EML2: variants seen among roughly 807,000 people sequenced by gnomAD.
EML2 encodes EMAP like 2.
A neutral mutation model predicts 84.7 loss-of-function variants in EML2; 59 were observed. That is an observed-to-expected ratio of 0.70 (90% confidence interval 0.56 to 0.86). The LOEUF (loss-of-function observed/expected upper bound fraction) is 0.86. Ranked by LOEUF, EML2 falls within the 40% of genes least tolerant of loss-of-function variation. The pLI, the probability that EML2 is intolerant of heterozygous loss-of-function variation, is 0.00. For missense variants in EML2, 818 were observed against 855.6 expected (o/e 0.96, Z 0.55); for synonymous variants, 352 against 348.9 (o/e 1.01, Z -0.10).
Position 45,619,303 on chromosome 19 carries a change from G to A in EML2, c.1123-112C>T, listed in dbSNP as rs1041971786. The A allele has an allele frequency of 1.1e-5, 15 of 1,360,868 alleles. No individual in the cohort carries two copies. In the East Asian group the frequency reaches 1.5e-4, roughly 14 times the overall value. 84.3% of individuals were successfully genotyped at this position (1,360,868 alleles called of 1,614,324 possible). ...CCCCAGCAACTCACCCTGCCCCAGC[G>A]GGACCCAGGGAAGACCTTTCCCAGT... On this transcript the variant is annotated intron_variant, in intron 11 of 18. Coordinates refer to ENST00000245925, the MANE Select transcript of EML2 (RefSeq NM_012155.4).
Position 45,629,993 on chromosome 19 carries a change from C to G in EML2, c.564G>C (p.Ser188=), listed in dbSNP as rs7251952. ...AVDESNDHML[S]VWDWAKETKV... is the part of the protein sequence containing the mutation. ...TGGTCTCCTTGGCCCAGTCCCACACCGAGAGCATGTGATCATTGGATTCAT... is the reference window on the plus strand; with the variant it reads ...TGGTCTCCTTGGCCCAGTCCCACACGGAGAGCATGTGATCATTGGATTCAT... The change falls in exon 7 of 19, where the codon TCG becomes TCC. Residue 188 remains serine, a synonymous_variant. Coordinates refer to ENST00000245925, the MANE Select transcript of EML2 (RefSeq NM_012155.4). 2 of 1,613,212 alleles carry G rather than the reference C, an allele frequency of 1.2e-6. No individual in the cohort carries two copies. The highest frequency in any genetic ancestry group is 1.7e-6 in the Non-Finnish European group (2 of 1,179,526).
intron 12 of EML2, 54 bp downstream of exon 12, chr19:45,619,006 G>T: frequency 6.6e-7 from 1 of 1,518,400 alleles, no homozygotes. Context: ...CCCTGACACA[G>T]GGGGAAAGGT....
At chr19:45,616,389 G>A (rs111418701) in intron 15 of EML2, 72 bp downstream of exon 15, 4 of 1,167,562 alleles carry the variant, frequency 3.4e-6, no homozygotes, top group Non-Finnish European at 3.7e-6. Flanking sequence ...GCTCCCTTGA[G>A]GTAGAAAATT....
At chr19:45,629,751 T>G in intron 7 of EML2, among the ~76,000 whole-genome samples, 200 bp downstream of exon 7, 1 of 151,838 alleles carries the variant, frequency 6.6e-6, no homozygotes, top group East Asian at 1.9e-4. Context: ...TGAGCCACCT[T>G]GCCCAGCCTA....
At chr19:45,615,688 C>T (rs1156299176) in intron 16 of EML2, 114 bp downstream of exon 16, 1 of 914,536 alleles carries the variant, frequency 1.1e-6, no homozygotes, top group Admixed American at 2.1e-5. Flanking sequence ...AAATCAGAAC[C>T]AGCCTTGAAT....
chr19:45,617,999 G>A (rs1195186767), intron 12 of EML2, among the ~76,000 whole-genome samples: 11 of 152,150 alleles, frequency 7.2e-5, no homozygotes, highest in Admixed American at 7.2e-4. Context: ...TTTCCTAGAT[G>A]TGGGAATGCT....
intron 7 of EML2, chr19:45,628,781 C>G (rs1420140448): frequency 6.6e-6 from 1 of 152,132 alleles, no homozygotes; most frequent in Non-Finnish European, 1.5e-5. Context: ...CAAGATTATG[C>G]CATTGCACTC....
upstream of EML2, among the ~76,000 whole-genome samples, chr19:45,639,720 G>C (rs527434834): frequency 1.9e-3 from 283 of 152,240 alleles, no homozygotes; most frequent in African/African-American, 5.2e-3. Context: ...CCGGCCGGGC[G>C]CGGTGGCTCA....
At chr19:45,644,781 C>T, upstream of EML2, 1 of 456,328 alleles carries the variant, frequency 2.2e-6, no homozygotes, top group Non-Finnish European at 4.4e-6. Flanking sequence ...GGTGCTAATG[C>T]ATGGGAGGGC....
Position 45,639,355 on chromosome 19 carries a change from A to T in EML2, c.20+2T>A. 1 of 1,294,968 alleles carries T rather than the reference A, an allele frequency of 7.7e-7. No homozygotes were observed. The highest frequency in any genetic ancestry group is 9.9e-7 in the Non-Finnish European group (1 of 1,014,370). The allele number at this position is 1,294,968 out of a possible 1,614,324, so 80.2% of individuals were successfully genotyped here. A position where few individuals can be genotyped will look rare whatever the true frequency, so the allele number is the denominator to read the frequency against. ...GGGGGGTGGTCTGCGAAAGGGTCTC[A>T]CCCAGCTCCAAAGCTACTCATGGCG... On this transcript the variant is annotated splice_donor_variant, in intron 1 of 18. Coordinates refer to ENST00000245925, the MANE Select transcript of EML2 (RefSeq NM_012155.4). LOFTEE classifies it high-confidence loss of function.
chr19:45,642,521 G>T, upstream of EML2: 1 of 1,415,450 alleles, frequency 7.1e-7, no homozygotes, highest in Non-Finnish European at 9.2e-7. Context: ...CTCTGAAGGG[G>T]GAAGGAAATC....
chr19:45,633,079 C>T lies in EML2; in HGVS notation c.390G>A (p.Lys130=). Residue 130 remains lysine (K), a synonymous_variant, in exon 5 of 19, where the codon AAG becomes AAA. Coordinates refer to ENST00000245925, the MANE Select transcript of EML2 (RefSeq NM_012155.4). The part of the protein sequence containing the change: ...IATGQVAGTT[K]EGKPLPPHVR... ...CCCTCCCTTCCATTACCTTCCCTTC[C>T]TTAGTGGTTCCCGCCACCTGTCCCG... is the stretch of plus-strand genomic sequence containing the variant. 1 of 1,592,998 alleles carries T rather than the reference C, an allele frequency of 6.3e-7. No individual in the cohort carries two copies. The highest frequency in any genetic ancestry group is 8.5e-7 in the Non-Finnish European group (1 of 1,170,230).
In EML2 at chr19:45,634,385, A is replaced by G. The variant is rs148976795; in HGVS notation, c.266T>C (p.Val89Ala). The G allele has an allele frequency of 5.0e-6, 8 of 1,614,076 alleles. No homozygotes were observed. The highest frequency in any genetic ancestry group is 1.3e-5 in the African/African-American group (1 of 75,030). Residue 89 changes from valine to alanine, a missense_variant, in exon 4 of 19, where the codon GTG becomes GCG. Val to Ala is a moderately conservative substitution (Grantham distance 64). Transcript: ENST00000245925. ...EIVYFVASVA[V>A]LYSVEEQRQR... is the part of the protein sequence containing the mutation. ...CCTCTGCTCCTCCACGCTGTATAGCACGGCTACGGAGGCCACAAAGTACAC... is the reference window on the plus strand; with the variant it reads ...CCTCTGCTCCTCCACGCTGTATAGCGCGGCTACGGAGGCCACAAAGTACAC...
At chr19:45,643,603 A>C (rs1188651573), upstream of EML2, 4 of 1,535,938 alleles carry the variant, frequency 2.6e-6, no homozygotes, top group Non-Finnish European at 3.5e-6. Context: ...GACCACAACC[A>C]AGGAAGCCCT....
chr19:45,612,598 CAGGAGGTCA>C (rs1970608004), intron 18 of EML2, among the ~76,000 whole-genome samples: 1 of 152,072 alleles, frequency 6.6e-6, no homozygotes, highest in Non-Finnish European at 1.5e-5. Flanking sequence ...CGCTTGAGTC[CAGGAGGTCA>C]AGGCTGCAGT....
At chr19:45,645,598 G>T, upstream of EML2, 1 of 676,852 alleles carries the variant, frequency 1.5e-6, no homozygotes. Context: ...ATCCCCCTAG[G>T]TACCGTCTGG....
chr19:45,641,535 G>T (rs1315482212), upstream of EML2: 3 of 1,131,370 alleles, frequency 2.7e-6, no homozygotes, highest in Non-Finnish European at 3.8e-6. Context: ...TTTTGAACTA[G>T]CTGGCCCCAC....
upstream of EML2, chr19:45,643,791 G>GC: frequency 6.1e-6 from 9 of 1,467,738 alleles, 1 homozygote; most frequent in South Asian, 5.4e-5. Flanking sequence ...TGCCCGCCCT[G>GC]CCCCCCACTC....
At chr19:45,617,361 G>A (rs1202139644) in intron 13 of EML2, among the ~76,000 whole-genome samples, 1 of 151,422 alleles carries the variant, frequency 6.6e-6, no homozygotes, top group Non-Finnish European at 1.5e-5. Context: ...TTCGAGACCA[G>A]CCTGGCCAAC....
Sources: gnomAD v4.1 joint callset for allele counts (sites outside exome capture counted in the v4.1 genomes callset) on GRCh38, gnomAD v4.1.1 for gene constraint, MANE v1.5 for transcripts, NCBI Gene and HGNC (gene_info 2026-07-23, HGNC 2026-07-21) for gene names.